Variants in RBPMS2 observed in about 807,000 individuals in gnomAD.
RBPMS2 encodes the protein RNA binding protein, mRNA processing factor 2.
Under a neutral mutation model 25.7 loss-of-function variants are expected in RBPMS2, and 14 were observed. The observed-to-expected ratio is 0.55, with a 90% CI of 0.36 to 0.85. The LOEUF (loss-of-function observed/expected upper bound fraction) is 0.85. Ranked by LOEUF, RBPMS2 falls within the 40% of genes least tolerant of loss-of-function variation. The pLI, the probability that RBPMS2 is intolerant of heterozygous loss-of-function variation, is 0.01. For synonymous variants in RBPMS2, 127 were observed against 115.6 expected (o/e 1.10, Z -0.63); for missense variants, 252 against 283.4 (o/e 0.89, Z 0.80).
intron 5 of RBPMS2, 72 bp from the exon 6 acceptor site, chr15:64,748,639 C>A (rs2083642860): frequency 6.7e-7 from 1 of 1,492,606 alleles, no homozygotes; most frequent in Admixed American, 2.3e-5. Flanking sequence ...GGGGACCCAG[C>A]ACTATGGTTG....
At chr15:64,764,532 C>A (rs865818434) in intron 1 of RBPMS2, among the ~76,000 whole-genome samples, 5 of 152,296 alleles carry the variant, frequency 3.3e-5, no homozygotes, top group Middle Eastern at 6.8e-3. Context: ...GCTTCTGCAA[C>A]CTGCATTCTG....
chr15:64,762,375 C>T (rs764415721), intron 1 of RBPMS2: 3 of 504,720 alleles, frequency 5.9e-6, no homozygotes. Flanking sequence ...CTGGAGCAGG[C>T]CCAGCCATCC....
At chr15:64,773,721 T>C (rs4777554) in intron 1 of RBPMS2, among the ~76,000 whole-genome samples, 133,516 of 151,906 alleles carry the variant, frequency 0.88, 59,672 homozygotes, top group East Asian at 0.96. Context: ...GGGTCCCCAT[T>C]CAGCTTTATA....
intron 1 of RBPMS2, among the ~76,000 whole-genome samples, chr15:64,753,835 A>G (rs1323381918): frequency 6.6e-6 from 1 of 152,066 alleles, no homozygotes; most frequent in Non-Finnish European, 1.5e-5. Flanking sequence ...TGTTGGCAGC[A>G]TCTGGGGGTC....
At position 64,751,552 on chromosome 15, in the gene RBPMS2, C is replaced by G; in HGVS notation, c.165+9G>C. On this transcript the variant is annotated intron_variant, in intron 2 of 7. Coordinates refer to ENST00000300069, the MANE Select transcript of RBPMS2 (RefSeq NM_194272.3). ...GCTCTACCCAGGGGGCGGCTGGGTC[C>G]TGACTCACCTTGAACGGCCGGAAGA... 1 of 1,613,390 alleles carries G rather than the reference C, an allele frequency of 6.2e-7. No homozygotes were observed. Among genetic ancestry groups the G allele is most frequent in the Non-Finnish European group, 8.5e-7 (1 of 1,179,518 alleles).
intron 3 of RBPMS2, among the ~76,000 whole-genome samples, chr15:64,749,805 G>C (rs886232261): frequency 1.3e-5 from 2 of 152,124 alleles, no homozygotes; most frequent in Non-Finnish European, 2.9e-5. Context: ...AATGCATGCA[G>C]ATAACTAAAA....
At chr15:64,755,804 G>A (rs965069474) in intron 1 of RBPMS2, among the ~76,000 whole-genome samples, 2 of 152,106 alleles carry the variant, frequency 1.3e-5, no homozygotes, top group African/African-American at 2.4e-5. Flanking sequence ...TTCCAAAGCC[G>A]CCCAACACCT....
intron 2 of RBPMS2, 66 bp downstream of exon 2, chr15:64,751,495 G>T: frequency 1.4e-6 from 2 of 1,414,728 alleles, no homozygotes; most frequent in Non-Finnish European, 2.0e-6. Context: ...CCCGACCCGA[G>T]ATTCACTCCC....
chr15:64,751,850 C>A (rs543180734), intron 1 of RBPMS2, among the ~76,000 whole-genome samples: 2 of 152,258 alleles, frequency 1.3e-5, no homozygotes, highest in African/African-American at 4.8e-5. Flanking sequence ...ATCCCAGAGG[C>A]ATCGTGCTGC....
chr15:64,759,122 C>CG (rs1325146652), intron 1 of RBPMS2, among the ~76,000 whole-genome samples: 3 of 151,994 alleles, frequency 2.0e-5, no homozygotes, highest in African/African-American at 4.8e-5. Flanking sequence ...CCCACCTCCC[C>CG]GGGAGGCCCC....
At chr15:64,759,874 T>C (rs1595791536) in intron 1 of RBPMS2, among the ~76,000 whole-genome samples, 1 of 152,304 alleles carries the variant, frequency 6.6e-6, no homozygotes, top group South Asian at 2.1e-4. Context: ...GGTTCCGCCA[T>C]GTTGGCCAGG....
chr15:64,774,682 T>C (rs951021959), intron 1 of RBPMS2, among the ~76,000 whole-genome samples: 1 of 146,104 alleles, frequency 6.8e-6, no homozygotes, highest in Non-Finnish European at 1.5e-5. Flanking sequence ...GTTCTGGGGC[T>C]GTGAAGAAAG....
chr15:64,747,178 C>T (rs1029850307), intron 6 of RBPMS2, among the ~76,000 whole-genome samples: 8 of 152,124 alleles, frequency 5.3e-5, no homozygotes, highest in East Asian at 3.9e-4. Context: ...CTGAACGTTG[C>T]GGAGCCAGGG....
At chr15:64,751,388 G>T (rs904475798) in intron 2 of RBPMS2, among the ~76,000 whole-genome samples, 173 bp downstream of exon 2, 12 of 151,684 alleles carry the variant, frequency 7.9e-5, no homozygotes, top group Non-Finnish European at 1.8e-4. Context: ...GGAAACAGAG[G>T]CTCAGAAGGC....
chr15:64,743,633 T>A (rs539635820), intron 6 of RBPMS2, among the ~76,000 whole-genome samples: 4 of 33,034 alleles, frequency 1.2e-4, no homozygotes, highest in African/African-American at 3.4e-4. Flanking sequence ...GGCCTCCAGT[T>A]GTGCCCAGGG....
In RBPMS2 at chr15:64,741,128, C is replaced by T. The variant is rs748753367; in HGVS notation, c.*7+45G>A. ...GAGGAACTACGGCCCTTCAGGGAGC[C>T]GGAGTCTAGGACACTTGTCCTGGGC... On this transcript the variant is annotated intron_variant, in intron 7 of 7. Transcript: ENST00000300069. 2.3e-4 allele frequency: 329 copies of T among 1,442,366 alleles called. 1 individual carries two copies. The highest frequency in any genetic ancestry group is 2.9e-4 in the Non-Finnish European group (304 of 1,047,628). 89.3% of individuals were successfully genotyped at this position (1,442,366 alleles called of 1,614,324 possible).
chr15:64,747,878 CGA>C (rs754123973), intron 6 of RBPMS2, among the ~76,000 whole-genome samples: 29 of 152,306 alleles, frequency 1.9e-4, no homozygotes, highest in South Asian at 1.2e-3. Context: ...TTCATGGAAG[CGA>C]GAGCCAACAC....
At chr15:64,750,275 C>A in intron 3 of RBPMS2, 68 bp downstream of exon 3, 1 of 1,363,636 alleles carries the variant, frequency 7.3e-7, no homozygotes, top group Non-Finnish European at 1.1e-6. Context: ...GAAGGGTTAA[C>A]GGGCCCTTGT....
intron 1 of RBPMS2, among the ~76,000 whole-genome samples, chr15:64,757,617 A>G (rs1025822991): frequency 7.2e-5 from 11 of 152,310 alleles, no homozygotes; most frequent in Admixed American, 3.3e-4. Flanking sequence ...TAACAAGGCA[A>G]GCTGATGGCA....
Sources: gnomAD v4.1 joint callset for allele counts (sites outside exome capture counted in the v4.1 genomes callset) on GRCh38, gnomAD v4.1.1 for gene constraint, MANE v1.5 for transcripts, NCBI Gene and HGNC (gene_info 2026-07-23, HGNC 2026-07-21) for gene names.